STOX1: variants seen among roughly 807,000 people sequenced by gnomAD.
The protein encoded by STOX1 is storkhead box 1, also known as storkhead-box protein 1.
In STOX1, 57 loss-of-function variants were observed where a neutral mutation model predicts 74.8. The ratio of observed to expected loss-of-function variants is 0.76; its 90% confidence interval spans 0.62 to 0.95. STOX1 has a LOEUF of 0.95. Ranked by LOEUF, STOX1 falls within the 40% of genes least tolerant of loss-of-function variation. The probability of loss-of-function intolerance (pLI) is 0.00; values close to 1 mark genes in which losing one functional copy is unlikely to be tolerated. For missense variants in STOX1, 1,010 were observed against 1,117.0 expected, an observed-to-expected ratio of 0.90 and a Z score of 1.37; for synonymous variants, 375 against 401.3, an observed-to-expected ratio of 0.93 and a Z score of 0.78.
At chr10:68,833,269 A>G (rs1373492460) in intron 1 of STOX1, among the ~76,000 whole-genome samples, 1 of 151,818 alleles carries the variant, frequency 6.6e-6, no homozygotes, top group Non-Finnish European at 1.5e-5. Flanking sequence ...TTGTAATTTT[A>G]GTAGAGACAG....
chr10:68,846,370 G>A (rs1218220687), intron 1 of STOX1, among the ~76,000 whole-genome samples: 1 of 151,974 alleles, frequency 6.6e-6, no homozygotes, highest in African/African-American at 2.4e-5. Flanking sequence ...GGCTGGTCTT[G>A]AACTCCTGAC....
At chr10:68,834,371 A>G (rs981307305) in intron 1 of STOX1, among the ~76,000 whole-genome samples, 1 of 152,272 alleles carries the variant, frequency 6.6e-6, no homozygotes, top group Non-Finnish European at 1.5e-5. Context: ...TCTCTGGACC[A>G]CTGTTCTTAT....
chr10:68,835,619 G>A (rs1839527682), intron 1 of STOX1, among the ~76,000 whole-genome samples: 1 of 152,120 alleles, frequency 6.6e-6, no homozygotes, highest in African/African-American at 2.4e-5. Flanking sequence ...GCTTCCCAAA[G>A]TGCTGGGATA....
At chr10:68,845,675 C>T (rs2133520501) in intron 1 of STOX1, among the ~76,000 whole-genome samples, 1 of 151,794 alleles carries the variant, frequency 6.6e-6, no homozygotes, top group East Asian at 1.9e-4. Flanking sequence ...GATCTTGGCT[C>T]AATGCAACCT....
At chr10:68,858,704 G>A (rs1352914536) in intron 1 of STOX1, among the ~76,000 whole-genome samples, 1 of 152,010 alleles carries the variant, frequency 6.6e-6, no homozygotes, top group Non-Finnish European at 1.5e-5. Context: ...GGTGGGCAAT[G>A]GGGTAGAGTG....
At chr10:68,841,133 G>A (rs1839683527) in intron 1 of STOX1, among the ~76,000 whole-genome samples, 1 of 151,716 alleles carries the variant, frequency 6.6e-6, no homozygotes, top group South Asian at 2.1e-4. Context: ...TTTTAGTAGA[G>A]ACGCGGTTTC....
intron 1 of STOX1, among the ~76,000 whole-genome samples, chr10:68,846,208 G>T (rs1405323353): frequency 6.6e-6 from 1 of 151,064 alleles, no homozygotes; most frequent in Non-Finnish European, 1.5e-5. Flanking sequence ...GTGCAGTGGT[G>T]TGATCTCAGC....
intron 1 of STOX1, among the ~76,000 whole-genome samples, chr10:68,871,542 G>T (rs1044607662): frequency 3.3e-5 from 5 of 152,230 alleles, no homozygotes; most frequent in African/African-American, 1.2e-4. Context: ...GGAGCCATTT[G>T]TCTAGGAGTT....
intron 1 of STOX1, among the ~76,000 whole-genome samples, chr10:68,866,478 C>A (rs1026195054): frequency 1.3e-5 from 2 of 152,128 alleles, no homozygotes; most frequent in Admixed American, 6.5e-5. Context: ...TCCCCCTGTT[C>A]TTTTAGTTTC....
intron 3 of STOX1, among the ~76,000 whole-genome samples, chr10:68,890,164 ATT>A (rs1300703834): frequency 6.7e-6 from 1 of 148,972 alleles, no homozygotes; most frequent in Non-Finnish European, 1.5e-5. Flanking sequence ...TGTAACTATT[ATT>A]TTCCTTTTTT....
At chr10:68,856,839 G>A (rs1840137716) in intron 1 of STOX1, among the ~76,000 whole-genome samples, 1 of 152,046 alleles carries the variant, frequency 6.6e-6, no homozygotes, top group Non-Finnish European at 1.5e-5. Context: ...CCTCCCACCT[G>A]GGGAGGACAG....
chr10:68,869,095 G>T (rs758036903), intron 1 of STOX1, among the ~76,000 whole-genome samples: 1 of 152,148 alleles, frequency 6.6e-6, no homozygotes, highest in Non-Finnish European at 1.5e-5. Flanking sequence ...CTTCTTCCTC[G>T]TGATGGTCCT....
At chr10:68,836,361 C>G (rs1839553252) in intron 1 of STOX1, among the ~76,000 whole-genome samples, 1 of 152,146 alleles carries the variant, frequency 6.6e-6, no homozygotes, top group South Asian at 2.1e-4. Flanking sequence ...AGGAAAATAA[C>G]AAATACAAGG....
At chr10:68,845,129 G>A (rs1163047084) in intron 1 of STOX1, among the ~76,000 whole-genome samples, 1 of 151,828 alleles carries the variant, frequency 6.6e-6, no homozygotes, top group Non-Finnish European at 1.5e-5. Flanking sequence ...TCAAGATGGA[G>A]TCTCGCTCTA....
At chr10:68,857,728 C>A (rs949198193) in intron 1 of STOX1, among the ~76,000 whole-genome samples, 12 of 152,100 alleles carry the variant, frequency 7.9e-5, no homozygotes, top group Non-Finnish European at 1.6e-4. Flanking sequence ...CATGCTGCTC[C>A]AGGCTCATGA....
At chr10:68,871,188 C>A (rs891209955) in intron 1 of STOX1, among the ~76,000 whole-genome samples, 1 of 152,152 alleles carries the variant, frequency 6.6e-6, no homozygotes, top group African/African-American at 2.4e-5. Flanking sequence ...TGGTTTGAGT[C>A]GGTCATTCCT....
chr10:68,876,096 G>A (rs1333311333), intron 1 of STOX1, among the ~76,000 whole-genome samples: 1 of 147,958 alleles, frequency 6.8e-6, no homozygotes, highest in East Asian at 1.9e-4. Context: ...GAGGAGTGGG[G>A]GTTGCTTTCT....
chr10:68,837,412 C>A (rs1398328089), intron 1 of STOX1, among the ~76,000 whole-genome samples: 1 of 152,156 alleles, frequency 6.6e-6, no homozygotes, highest in East Asian at 1.9e-4. Context: ...GCACAAAGGG[C>A]CTGCAGAGGG....
chr10:68,888,582 G>T, intron 3 of STOX1, among the ~76,000 whole-genome samples: 1 of 146,336 alleles, frequency 6.8e-6, no homozygotes, highest in African/African-American at 2.5e-5. Flanking sequence ...TTATTTAATA[G>T]TTTCTCAAAG....
Sources: gnomAD v4.1 joint callset for allele counts (sites outside exome capture counted in the v4.1 genomes callset) on GRCh38, gnomAD v4.1.1 for gene constraint, MANE v1.5 for transcripts, NCBI Gene and HGNC (gene_info 2026-07-23, HGNC 2026-07-21) for gene names.